GATAD2B: variants seen among roughly 807,000 people sequenced by gnomAD.
GATAD2B encodes the protein transcriptional repressor p66-beta.
In GATAD2B, 8 loss-of-function variants were observed where a neutral mutation model predicts 64.3. That is an observed-to-expected ratio of 0.12 (90% CI 0.07 to 0.22). GATAD2B has a LOEUF of 0.22. GATAD2B is among the 10% of genes least tolerant of loss of function. The pLI is 1.00. For synonymous variants in GATAD2B, 281 were observed against 271.3 expected, an observed-to-expected ratio of 1.04 and a Z score of -0.35; for missense variants, 453 against 752.0, an observed-to-expected ratio of 0.60 and a Z score of 4.65.
At chr1:153,840,924 G>C (rs535078789) in intron 1 of GATAD2B, among the ~76,000 whole-genome samples, 2 of 152,108 alleles carry the variant, frequency 1.3e-5, no homozygotes, top group South Asian at 4.1e-4. Context: ...AGGCGATCAA[G>C]ACCATCCTGG....
At chr1:153,880,831 C>A (rs770499283) in intron 1 of GATAD2B, among the ~76,000 whole-genome samples, 11 of 151,806 alleles carry the variant, frequency 7.2e-5, no homozygotes, top group Non-Finnish European at 1.3e-4. Flanking sequence ...GTGACAGAGA[C>A]CCTGTCTCAA....
intron 1 of GATAD2B, among the ~76,000 whole-genome samples, chr1:153,869,669 G>C (rs371558721): frequency 4.6e-5 from 7 of 152,230 alleles, no homozygotes; most frequent in Admixed American, 6.5e-5. Flanking sequence ...ATGGTGTTGC[G>C]AAACCAAGAT....
At chr1:153,834,580 G>A (rs140091684) in intron 1 of GATAD2B, among the ~76,000 whole-genome samples, 1,904 of 151,840 alleles carry the variant, frequency 0.013, 48 homozygotes, top group African/African-American at 0.044. Flanking sequence ...AGTAGAGAAA[G>A]GGTTTCTCCA....
At chr1:153,907,637 AT>A (rs531249482) in intron 1 of GATAD2B, among the ~76,000 whole-genome samples, 3,636 of 141,698 alleles carry the variant, frequency 0.026, 91 homozygotes, top group African/African-American at 0.076. Flanking sequence ...AAAAGGGTAA[AT>A]TTTTTTTTTT....
At chr1:153,875,333 A>G (rs1240045965) in intron 1 of GATAD2B, among the ~76,000 whole-genome samples, 7 of 152,036 alleles carry the variant, frequency 4.6e-5, no homozygotes, top group Non-Finnish European at 1.0e-4. Flanking sequence ...CATAAAATAC[A>G]CTAACACTAA....
At chr1:153,823,718 TTTTTTTTG>T (rs1046723035) in intron 2 of GATAD2B, among the ~76,000 whole-genome samples, 4 of 151,726 alleles carry the variant, frequency 2.6e-5, no homozygotes, top group African/African-American at 7.3e-5. Context: ...GTTTTGCTTT[TTTTTTTTG>T]TTTTTTTGTT....
In GATAD2B at chr1:153,881,459, G is replaced by A. The variant is rs1299633037; in HGVS notation, c.-2+41274C>T. ...AGCAGAGGGAAAGAAGATCCAAACC[G>A]AAAGGAGCTTTGTATGAGAAACAAT... is the stretch of plus-strand genomic sequence containing the variant. On this transcript the variant is annotated intron_variant, in intron 1 of 10. Transcript: ENST00000368655. Among the ~76,000 whole-genome samples the A allele has an allele frequency of 3.9e-5, 6 of 152,196 alleles. No individual in the cohort carries two copies. The South Asian group carries it at 6.2e-4, about 16-fold the overall frequency.
intron 1 of GATAD2B, among the ~76,000 whole-genome samples, chr1:153,891,832 C>T (rs1306149636): frequency 6.6e-6 from 1 of 151,792 alleles, no homozygotes; most frequent in Admixed American, 6.6e-5. Context: ...CTAGATTTAA[C>T]ATAATTACTA....
At position 153,808,015 on chromosome 1, in the gene GATAD2B, G is replaced by A. The variant is rs772435983; in HGVS notation, c.*2162C>T. 1.3e-5 allele frequency: 2 copies of A among 152,400 alleles called. No homozygotes were observed. Among genetic ancestry groups the A allele is most frequent in the Admixed American group, 6.6e-5 (1 of 15,244 alleles). The allele number at this position is 152,400 out of a possible 1,614,324, so 9.4% of individuals were successfully genotyped here. On this transcript the variant is annotated 3_prime_UTR_variant, in exon 11 of 11. Transcript: ENST00000368655. The stretch of plus-strand genomic sequence containing the variant: ...AGCAAAACCAAACAATTTATCCAGT[G>A]CTTTCAAAGCACAGAGGGCAAAGAA...
chr1:153,817,286 A>C (rs1338298583), intron 6 of GATAD2B, 86 bp downstream of exon 6: 1 of 1,317,130 alleles, frequency 7.6e-7, no homozygotes, highest in Non-Finnish European at 1.0e-6. Flanking sequence ...TCTATGTATA[A>C]AAACTTAAAA....
At chr1:153,870,391 G>GA (rs1305065808) in intron 1 of GATAD2B, among the ~76,000 whole-genome samples, 1 of 152,126 alleles carries the variant, frequency 6.6e-6, no homozygotes, top group East Asian at 1.9e-4. Context: ...CTAACACAGT[G>GA]AAACCCCGTC....
chr1:153,831,980 C>T (rs1214779737), intron 1 of GATAD2B, among the ~76,000 whole-genome samples: 1 of 152,190 alleles, frequency 6.6e-6, no homozygotes. Flanking sequence ...TTTGGGAAGC[C>T]AAGGCGGGCT....
chr1:153,897,992 GAAAAAAAAAAACAA>G (rs900485769), intron 1 of GATAD2B, among the ~76,000 whole-genome samples: 7 of 70,748 alleles, frequency 9.9e-5, no homozygotes, highest in African/African-American at 1.7e-4. Flanking sequence ...AAAACAAACA[GAAAAAAAAAAACAA>G]AAAAAAAAAA....
At chr1:153,833,968 GTC>G (rs1001257765) in intron 1 of GATAD2B, among the ~76,000 whole-genome samples, 6 of 151,318 alleles carry the variant, frequency 4.0e-5, no homozygotes, top group Non-Finnish European at 8.8e-5. Flanking sequence ...GTAAGACCCT[GTC>G]TCTCTCTCTT....
intron 1 of GATAD2B, among the ~76,000 whole-genome samples, chr1:153,888,952 T>C (rs1406377809): frequency 2.6e-5 from 4 of 152,130 alleles, no homozygotes; most frequent in African/African-American, 4.8e-5. Flanking sequence ...CTACCCTCTA[T>C]ATAGTGACGT....
At chr1:153,865,852 G>A (rs1445091530) in intron 1 of GATAD2B, among the ~76,000 whole-genome samples, 4 of 152,136 alleles carry the variant, frequency 2.6e-5, no homozygotes, top group African/African-American at 9.7e-5. Context: ...ACGGGGTGCA[G>A]TGGCACACAC....
At chr1:153,826,618 GA>G in intron 2 of GATAD2B, among the ~76,000 whole-genome samples, 1 of 151,134 alleles carries the variant, frequency 6.6e-6, no homozygotes, top group East Asian at 2.0e-4. Context: ...CAAAAAGAGT[GA>G]AACTCCATCA....
intron 1 of GATAD2B, among the ~76,000 whole-genome samples, chr1:153,846,609 T>C (rs1260709915): frequency 6.1e-5 from 9 of 147,190 alleles, no homozygotes; most frequent in African/African-American, 2.0e-4. Context: ...TCGCCCAGGC[T>C]GGAATGCAGT....
chr1:153,866,778 CTTGTTTTGTT>C (rs566297740), intron 1 of GATAD2B, among the ~76,000 whole-genome samples: 6 of 151,946 alleles, frequency 3.9e-5, no homozygotes, highest in South Asian at 2.1e-4. Context: ...TCCAATGTAC[CTTGTTTTGTT>C]TTGTTTTGTT....
Sources: gnomAD v4.1 joint callset for allele counts (sites outside exome capture counted in the v4.1 genomes callset) on GRCh38, gnomAD v4.1.1 for gene constraint, MANE v1.5 for transcripts, NCBI Gene and HGNC (gene_info 2026-07-23, HGNC 2026-07-21) for gene names.